Variants in OPCML observed in about 807,000 individuals in gnomAD.
OPCML encodes the protein opioid-binding protein/cell adhesion molecule.
In OPCML, 13 loss-of-function variants were observed where a neutral mutation model predicts 37.8. The observed-to-expected ratio is 0.34, with a 90% CI of 0.22 to 0.55. OPCML has a LOEUF of 0.55. OPCML is among the 20% of genes least tolerant of loss of function. The pLI, the probability that OPCML is intolerant of heterozygous loss-of-function variation, is 0.91. For missense variants in OPCML, 341 were observed against 435.6 expected (o/e 0.78, Z 1.93); for synonymous variants, 176 against 168.8 (o/e 1.04, Z -0.33).
chr11:133,295,582 T>C (rs1308948282), intron 1 of OPCML, among the ~76,000 whole-genome samples: 4 of 152,212 alleles, frequency 2.6e-5, no homozygotes. Flanking sequence ...TACTGGGTTA[T>C]TATTTTTTTC....
intron 1 of OPCML, among the ~76,000 whole-genome samples, chr11:133,528,275 G>A (rs555762558): frequency 1.3e-5 from 2 of 152,338 alleles, no homozygotes; most frequent in Admixed American, 6.5e-5. Context: ...TGCAGATGAC[G>A]CAGTCTAACC....
intron 4 of OPCML, among the ~76,000 whole-genome samples, chr11:132,503,549 T>C (rs1220469235): frequency 6.6e-6 from 1 of 152,132 alleles, no homozygotes; most frequent in Non-Finnish European, 1.5e-5. Flanking sequence ...TGAAAAAAAG[T>C]ATCAATATTA....
intron 2 of OPCML, among the ~76,000 whole-genome samples, chr11:132,781,426 G>C (rs1348562548): frequency 6.6e-6 from 1 of 152,000 alleles, no homozygotes; most frequent in Non-Finnish European, 1.5e-5. Flanking sequence ...TAGGTCTCAG[G>C]ATGCCAGGCT....
intron 1 of OPCML, among the ~76,000 whole-genome samples, chr11:133,106,011 A>G (rs1264292802): frequency 6.8e-6 from 1 of 146,480 alleles, no homozygotes; most frequent in East Asian, 2.0e-4. Context: ...AAAAAAGAAT[A>G]CTTTTGTAGA....
chr11:133,233,767 G>A (rs1490503131), intron 1 of OPCML, among the ~76,000 whole-genome samples: 1 of 152,100 alleles, frequency 6.6e-6, no homozygotes, highest in African/African-American at 2.4e-5. Flanking sequence ...AATAAAATTT[G>A]CATGCTTTTC....
intron 1 of OPCML, among the ~76,000 whole-genome samples, chr11:133,294,223 G>A (rs1445389203): frequency 6.6e-6 from 1 of 151,808 alleles, no homozygotes; most frequent in East Asian, 2.0e-4. Flanking sequence ...AGAGGCAAAC[G>A]GGCACATGCA....
intron 2 of OPCML, among the ~76,000 whole-genome samples, chr11:132,689,611 T>A (rs571952151): frequency 6.8e-4 from 104 of 152,338 alleles, no homozygotes; most frequent in African/African-American, 2.4e-3. Context: ...ATTTAACATC[T>A]CTGGAAGGTA....
chr11:132,941,308 A>G (rs7130483), intron 2 of OPCML, among the ~76,000 whole-genome samples: 106,931 of 151,922 alleles, frequency 0.7, 38,881 homozygotes, highest in Admixed American at 0.81. Flanking sequence ...TTTAATTTTG[A>G]GGGACAGGAA....
chr11:133,195,468 T>C (rs1366680279), intron 1 of OPCML, among the ~76,000 whole-genome samples: 1 of 152,208 alleles, frequency 6.6e-6, no homozygotes, highest in Non-Finnish European at 1.5e-5. Flanking sequence ...TTGAAAAACA[T>C]TTCTTCAATA....
At chr11:133,064,165 C>T (rs1565427172) in intron 1 of OPCML, among the ~76,000 whole-genome samples, 3 of 152,288 alleles carry the variant, frequency 2.0e-5, no homozygotes, top group East Asian at 1.9e-4. Flanking sequence ...AGGGGTGGAG[C>T]GGAGCCCAGC....
chr11:132,743,134 T>G (rs939844003), intron 2 of OPCML, among the ~76,000 whole-genome samples: 1 of 152,208 alleles, frequency 6.6e-6, no homozygotes, highest in South Asian at 2.1e-4. Context: ...TGCTCGTGAA[T>G]GGACTTCCTC....
chr11:133,006,901 C>T, intron 1 of OPCML: 1 of 985,394 alleles, frequency 1.0e-6, no homozygotes, highest in Non-Finnish European at 1.2e-6. Flanking sequence ...GTCATGGGGC[C>T]ACCTAGGCTG....
intron 2 of OPCML, among the ~76,000 whole-genome samples, chr11:132,678,526 C>T (rs1026338966): frequency 2.6e-5 from 4 of 152,060 alleles, no homozygotes; most frequent in African/African-American, 9.7e-5. Flanking sequence ...GGATAAACTG[C>T]GTTACATCCA....
chr11:133,121,243 G>A (rs535543813), intron 1 of OPCML, among the ~76,000 whole-genome samples: 10 of 152,150 alleles, frequency 6.6e-5, no homozygotes, highest in Non-Finnish European at 1.2e-4. Context: ...TTAGCTATGG[G>A]ATTTACCTAG....
chr11:133,381,858 A>G (rs930305410), intron 1 of OPCML, among the ~76,000 whole-genome samples: 1 of 152,212 alleles, frequency 6.6e-6, no homozygotes, highest in African/African-American at 2.4e-5. Flanking sequence ...CGTAAGTTCT[A>G]GGGTCTTTAA....
chr11:132,570,238 T>C (rs1018237610), intron 3 of OPCML, among the ~76,000 whole-genome samples: 3 of 152,216 alleles, frequency 2.0e-5, no homozygotes, highest in African/African-American at 7.2e-5. Context: ...GCTATTTTCA[T>C]GTTTCAACAG....
chr11:133,093,590 TA>T (rs1346753597), intron 1 of OPCML, among the ~76,000 whole-genome samples: 7 of 152,320 alleles, frequency 4.6e-5, no homozygotes, highest in Admixed American at 4.6e-4. Flanking sequence ...AAATGGGGCC[TA>T]AATTCAAGCC....
intron 2 of OPCML, among the ~76,000 whole-genome samples, chr11:132,741,079 G>A (rs1231034573): frequency 6.6e-6 from 1 of 152,066 alleles, no homozygotes; most frequent in African/African-American, 2.4e-5. Context: ...CTTTCCTGAT[G>A]TCTGTATTCC....
intron 1 of OPCML, among the ~76,000 whole-genome samples, chr11:133,314,009 G>T (rs1943132786): frequency 6.6e-6 from 1 of 151,954 alleles, no homozygotes; most frequent in Non-Finnish European, 1.5e-5. Flanking sequence ...GCCGAGGCGG[G>T]CGGATCACGA....
Sources: allele counts gnomAD v4.1 joint callset (sites outside exome capture counted in the v4.1 genomes callset), GRCh38; gene constraint gnomAD v4.1.1; transcripts MANE v1.5; gene names NCBI Gene and HGNC (gene_info 2026-07-23, HGNC 2026-07-21).